RABEP1: variants seen among roughly 807,000 people sequenced by gnomAD.
The protein encoded by RABEP1 is rab GTPase-binding effector protein 1.
RABEP1 carries 51 observed loss-of-function variants against 123.4 expected under a neutral mutation model. The observed-to-expected ratio is 0.41, with a 90% CI of 0.33 to 0.52. The LOEUF (loss-of-function observed/expected upper bound fraction) is 0.52, where lower values mean the gene tolerates loss of function less well. Ranked by LOEUF, RABEP1 falls within the 20% of genes least tolerant of loss-of-function variation. The pLI is 0.16. For missense variants in RABEP1, 888 were observed against 996.3 expected, an observed-to-expected ratio of 0.89 and a Z score of 1.46; for synonymous variants, 347 against 355.2, an observed-to-expected ratio of 0.98 and a Z score of 0.26.
intron 1 of RABEP1, among the ~76,000 whole-genome samples, chr17:5,289,807 C>T (rs1314071800): frequency 2.6e-5 from 4 of 152,094 alleles, no homozygotes; most frequent in African/African-American, 7.2e-5. Context: ...TGGTAAATCT[C>T]CCAACCTTTG....
At chr17:5,317,492 C>G (rs74794696) in intron 2 of RABEP1, among the ~76,000 whole-genome samples, 3,265 of 152,202 alleles carry the variant, frequency 0.021, 119 homozygotes, top group African/African-American at 0.075. Context: ...AAATGCCTTT[C>G]CCCTAAAATC....
chr17:5,354,569 T>C (rs1908857088), intron 8 of RABEP1, 79 bp downstream of exon 8: 5 of 1,353,286 alleles, frequency 3.7e-6, no homozygotes, highest in Non-Finnish European at 5.0e-6. Flanking sequence ...GTTAATTACA[T>C]TGTTCATATG....
At chr17:5,336,905 C>T (rs1367865475) in intron 4 of RABEP1, among the ~76,000 whole-genome samples, 2 of 152,092 alleles carry the variant, frequency 1.3e-5, no homozygotes, top group African/African-American at 2.4e-5. Context: ...GGAAAATCCC[C>T]CTCACGTTTG....
At chr17:5,370,082 T>C (rs1910405284) in intron 12 of RABEP1, among the ~76,000 whole-genome samples, 1 of 152,202 alleles carries the variant, frequency 6.6e-6, no homozygotes, top group South Asian at 2.1e-4. Flanking sequence ...TCAGTGACAC[T>C]GGAGAACTGT....
intron 5 of RABEP1, among the ~76,000 whole-genome samples, chr17:5,343,547 T>C (rs1162960437): frequency 6.6e-6 from 1 of 152,082 alleles, no homozygotes; most frequent in Non-Finnish European, 1.5e-5. Context: ...GAGACAGGTT[T>C]ATTTCTAAAC....
intron 2 of RABEP1, among the ~76,000 whole-genome samples, chr17:5,311,677 G>T (rs1223147020): frequency 2.3e-5 from 3 of 130,508 alleles, no homozygotes; most frequent in East Asian, 4.6e-4. Flanking sequence ...TCCAGCCTGG[G>T]TGACAGAGCG....
chr17:5,358,342 T>G (rs898386311), intron 8 of RABEP1, among the ~76,000 whole-genome samples: 4 of 152,186 alleles, frequency 2.6e-5, no homozygotes, highest in African/African-American at 9.7e-5. Flanking sequence ...CATCTGATTT[T>G]ATTTTATTTT....
chr17:5,350,047 C>T lies in RABEP1; in HGVS notation c.785-404C>T, dbSNP rs537465876. On this transcript the variant is annotated intron_variant, in intron 6 of 17. Transcript: ENST00000537505. ...AGGACAGAATCCTAGAGATGTGGAC[C>T]ATTGGTCAGACCTGGGCTAGGAGCC... Among the ~76,000 whole-genome samples the T allele has an allele frequency of 3.8e-3, 581 of 152,190 alleles. 2 individuals carry two copies. The highest frequency in any genetic ancestry group is 0.013 in the African/African-American group (553 of 41,542).
chr17:5,285,991 T>A (rs895737220), intron 1 of RABEP1, among the ~76,000 whole-genome samples: 1 of 152,216 alleles, frequency 6.6e-6, no homozygotes, highest in Non-Finnish European at 1.5e-5. Flanking sequence ...GCATATTTTT[T>A]AAGGTACTCT....
At chr17:5,318,974 A>G (rs778835621) in intron 2 of RABEP1, among the ~76,000 whole-genome samples, 18 of 152,198 alleles carry the variant, frequency 1.2e-4, no homozygotes, top group Non-Finnish European at 2.4e-4. Context: ...ATCATTTCAC[A>G]ATGTATAGAT....
chr17:5,359,175 G>A (rs955858415), intron 8 of RABEP1, among the ~76,000 whole-genome samples: 20 of 151,710 alleles, frequency 1.3e-4, no homozygotes, highest in Non-Finnish European at 1.9e-4. Context: ...CCGGGTTCAC[G>A]CCATTCTCCT....
chr17:5,353,902 T>C (rs1353804544), intron 7 of RABEP1, among the ~76,000 whole-genome samples: 2 of 152,204 alleles, frequency 1.3e-5, no homozygotes, highest in Non-Finnish European at 2.9e-5. Context: ...GGAGAATTGC[T>C]TGAACCCAGG....
At chr17:5,325,719 A>G (rs1167377510) in intron 2 of RABEP1, among the ~76,000 whole-genome samples, 1 of 152,072 alleles carries the variant, frequency 6.6e-6, no homozygotes, top group Non-Finnish European at 1.5e-5. Context: ...ATGGGATGAA[A>G]GAAAAAAAAA....
chr17:5,364,764 T>G (rs1180949412), intron 10 of RABEP1, among the ~76,000 whole-genome samples: 5 of 152,060 alleles, frequency 3.3e-5, no homozygotes, highest in Admixed American at 2.6e-4. Flanking sequence ...ATTTAGAGTT[T>G]TAAGTAGGGA....
At chr17:5,319,338 A>AC (rs1367199503) in intron 2 of RABEP1, among the ~76,000 whole-genome samples, 2 of 124,218 alleles carry the variant, frequency 1.6e-5, no homozygotes, top group Non-Finnish European at 3.3e-5. Context: ...AAAAAAAAAA[A>AC]AAACAAAAAA....
intron 1 of RABEP1, among the ~76,000 whole-genome samples, chr17:5,288,612 C>T (rs369256563): frequency 6.6e-6 from 1 of 152,180 alleles, no homozygotes; most frequent in Non-Finnish European, 1.5e-5. Context: ...TCAGGCTGGC[C>T]TCTAACTCCT....
In RABEP1 at chr17:5,282,341, G is replaced by T. The variant is rs1597316299; in HGVS notation, c.-146G>T. 1.7e-6 allele frequency: 1 copy of T among 574,820 alleles called. No homozygotes were observed. Among genetic ancestry groups the T allele is most frequent in the Non-Finnish European group, 2.6e-6 (1 of 381,418 alleles). The allele number at this position is 574,820 out of a possible 1,614,324, so 35.6% of individuals were successfully genotyped here. On this transcript the variant is annotated 5_prime_UTR_variant, in exon 1 of 18. Transcript: ENST00000537505. Reference sequence around the variant, plus strand: ...GTCCGTCTCTGCCCGCGGCTGTGGCGGCGCCGGCGGATCCAGCCTTAGCGG... The same window carrying T: ...GTCCGTCTCTGCCCGCGGCTGTGGCTGCGCCGGCGGATCCAGCCTTAGCGG...
chr17:5,374,174 C>A (rs1910783781), intron 13 of RABEP1, among the ~76,000 whole-genome samples: 1 of 151,964 alleles, frequency 6.6e-6, no homozygotes, highest in Non-Finnish European at 1.5e-5. Context: ...TTAAACGATT[C>A]TCCTGCCTCA....
At chr17:5,337,330 C>T (rs952509266) in intron 4 of RABEP1, among the ~76,000 whole-genome samples, 2 of 152,102 alleles carry the variant, frequency 1.3e-5, no homozygotes, top group African/African-American at 4.8e-5. Context: ...ATGTAATCAG[C>T]CCTTTCATTA....
Sources: allele counts gnomAD v4.1 joint callset (sites outside exome capture counted in the v4.1 genomes callset), GRCh38; gene constraint gnomAD v4.1.1; transcripts MANE v1.5; gene names NCBI Gene and HGNC (gene_info 2026-07-23, HGNC 2026-07-21).